Variants in KLHL2 observed in about 807,000 individuals in gnomAD.
KLHL2 encodes kelch-like protein 2.
Under a neutral mutation model 75.8 loss-of-function variants are expected in KLHL2, and 15 were observed. The ratio of observed to expected loss-of-function variants is 0.20; its 90% CI spans 0.13 to 0.30. The LOEUF (loss-of-function observed/expected upper bound fraction) is 0.30. Among genes scored for constraint, KLHL2 ranks in the 10% least tolerant of loss-of-function variants. The pLI is 1.00. For synonymous variants in KLHL2, 214 were observed against 251.9 expected, an observed-to-expected ratio of 0.85 and a Z score of 1.42; for missense variants, 381 against 741.0, an observed-to-expected ratio of 0.51 and a Z score of 5.64.
intron 6 of KLHL2, among the ~76,000 whole-genome samples, chr4:165,297,097 T>A (rs1481563860): frequency 6.6e-6 from 1 of 152,206 alleles, no homozygotes; most frequent in African/African-American, 2.4e-5. Context: ...TTAAGTGATA[T>A]ATTCATCAGT....
chr4:165,221,200 A>G (rs1233156814), intron 2 of KLHL2, among the ~76,000 whole-genome samples: 1 of 152,352 alleles, frequency 6.6e-6, no homozygotes, highest in Non-Finnish European at 1.5e-5. Context: ...TTGTGGGCCC[A>G]TAGCTGACTG....
intron 14 of KLHL2, 127 bp from the exon 15 acceptor site, chr4:165,321,905 A>C: frequency 1.2e-6 from 1 of 841,252 alleles, no homozygotes; most frequent in Non-Finnish European, 2.0e-6. Context: ...AGTTTAAGAA[A>C]GAGATTCTGA....
chr4:165,226,125 T>G (rs183805110), intron 2 of KLHL2, among the ~76,000 whole-genome samples: 2 of 152,302 alleles, frequency 1.3e-5, no homozygotes, highest in African/African-American at 4.8e-5. Flanking sequence ...AAAAGGAAAA[T>G]AGGCATAAAG....
At chr4:165,317,518 C>T (rs1186622539) in intron 13 of KLHL2, among the ~76,000 whole-genome samples, 1 of 152,036 alleles carries the variant, frequency 6.6e-6, no homozygotes, top group Non-Finnish European at 1.5e-5. Context: ...GCACACTCCC[C>T]CATGCCTGGC....
intron 1 of KLHL2, among the ~76,000 whole-genome samples, chr4:165,219,385 G>A (rs184588809): frequency 1.7e-4 from 26 of 152,350 alleles, no homozygotes; most frequent in Non-Finnish European, 3.5e-4. Flanking sequence ...AAACTACTCA[G>A]CACAGGGCTG....
At chr4:165,262,786 C>A (rs1334084445) in intron 4 of KLHL2, among the ~76,000 whole-genome samples, 1 of 152,036 alleles carries the variant, frequency 6.6e-6, no homozygotes, top group Non-Finnish European at 1.5e-5. Context: ...GCTATGTTGC[C>A]CAGCCTGGTC....
At chr4:165,249,402 A>G (rs1056882010) in intron 4 of KLHL2, among the ~76,000 whole-genome samples, 2 of 152,216 alleles carry the variant, frequency 1.3e-5, no homozygotes, top group African/African-American at 2.4e-5. Flanking sequence ...GGACCTAGAT[A>G]CCTAAGTGAT....
chr4:165,259,520 C>T (rs1741474465), intron 4 of KLHL2, among the ~76,000 whole-genome samples: 1 of 152,236 alleles, frequency 6.6e-6, no homozygotes. Context: ...CTGTCCCATA[C>T]CAGGTGTGTG....
At chr4:165,288,450 A>G (rs1045947708) in intron 5 of KLHL2, among the ~76,000 whole-genome samples, 6 of 152,168 alleles carry the variant, frequency 3.9e-5, no homozygotes, top group African/African-American at 1.4e-4. Flanking sequence ...TGGAGAGGAT[A>G]AGTAATCCAT....
At chr4:165,317,203 T>C (rs935102541) in intron 13 of KLHL2, among the ~76,000 whole-genome samples, 2 of 151,850 alleles carry the variant, frequency 1.3e-5, no homozygotes, top group African/African-American at 2.4e-5. Flanking sequence ...TAGCTGACTT[T>C]GACTTTTTAT....
chr4:165,310,007 A>C (rs1746025234), intron 9 of KLHL2, among the ~76,000 whole-genome samples: 1 of 152,200 alleles, frequency 6.6e-6, no homozygotes, highest in Admixed American at 6.5e-5. Context: ...AAGAGTCAAC[A>C]TGGTACTTTA....
At chr4:165,275,823 T>TG (rs1340300337) in intron 5 of KLHL2, among the ~76,000 whole-genome samples, 1 of 152,166 alleles carries the variant, frequency 6.6e-6, no homozygotes, top group African/African-American at 2.4e-5. Context: ...GGACTACCTG[T>TG]GGAGAATTCC....
intron 5 of KLHL2, among the ~76,000 whole-genome samples, chr4:165,265,673 C>T (rs1033021336): frequency 4.6e-5 from 7 of 152,088 alleles, no homozygotes; most frequent in African/African-American, 1.7e-4. Flanking sequence ...TTAATGGTTA[C>T]ATAGTATTCC....
chr4:165,214,013 T>A (rs894051818), intron 1 of KLHL2, among the ~76,000 whole-genome samples: 17 of 152,184 alleles, frequency 1.1e-4, no homozygotes, highest in African/African-American at 3.1e-4. Context: ...GAAATAAATT[T>A]TATAAGTAGT....
chr4:165,316,098 G>A (rs558423789), intron 13 of KLHL2, among the ~76,000 whole-genome samples: 19 of 152,306 alleles, frequency 1.2e-4, no homozygotes, highest in Admixed American at 6.5e-4. Flanking sequence ...GGCTCCTATC[G>A]CCTAAAAGGA....
At chr4:165,309,175 A>G (rs1745956715) in intron 9 of KLHL2, among the ~76,000 whole-genome samples, 1 of 152,226 alleles carries the variant, frequency 6.6e-6, no homozygotes, top group African/African-American at 2.4e-5. Flanking sequence ...GAACAATTTA[A>G]AGTAATTATA....
intron 4 of KLHL2, among the ~76,000 whole-genome samples, chr4:165,250,376 C>T (rs747994426): frequency 8.5e-5 from 13 of 152,074 alleles, no homozygotes; most frequent in Non-Finnish European, 1.6e-4. Context: ...GTTAACAACT[C>T]CTCAAGGTAA....
At chr4:165,217,107 A>G (rs1737599417) in intron 1 of KLHL2, among the ~76,000 whole-genome samples, 2 of 152,318 alleles carry the variant, frequency 1.3e-5, no homozygotes, top group South Asian at 4.1e-4. Flanking sequence ...ACTTTCAAGC[A>G]TTGAAAATTC....
intron 4 of KLHL2, among the ~76,000 whole-genome samples, chr4:165,242,884 CAT>C (rs748121182): frequency 1.1e-4 from 16 of 152,282 alleles, no homozygotes; most frequent in Admixed American, 7.8e-4. Context: ...AGGATTTTCA[CAT>C]GAGTATATCT....
Sources: gnomAD v4.1 joint callset for allele counts (sites outside exome capture counted in the v4.1 genomes callset) on GRCh38, gnomAD v4.1.1 for gene constraint, MANE v1.5 for transcripts, NCBI Gene and HGNC (gene_info 2026-07-23, HGNC 2026-07-21) for gene names.